PARD3: variants seen among roughly 807,000 people sequenced by gnomAD.
PARD3 encodes the protein par-3 family cell polarity regulator, also known as partitioning defective 3 homolog.
In PARD3, 75 loss-of-function variants were observed where a neutral mutation model predicts 155.4. The observed-to-expected ratio is 0.48, with a 90% CI of 0.40 to 0.58. PARD3 has a LOEUF of 0.58. Among genes scored for constraint, PARD3 ranks in the 20% least tolerant of loss-of-function variants. The pLI is 0.00. For missense variants in PARD3, 1,642 were observed against 1,721.7 expected (o/e 0.95, Z 0.82); for synonymous variants, 576 against 610.5 (o/e 0.94, Z 0.83).
intron 19 of PARD3, among the ~76,000 whole-genome samples, chr10:34,323,668 T>C (rs1382133030): frequency 6.6e-6 from 1 of 152,260 alleles, no homozygotes; most frequent in Non-Finnish European, 1.5e-5. Flanking sequence ...TCACTTTTAC[T>C]TGACATTCTA....
At chr10:34,331,539 G>A (rs1236992623) in intron 18 of PARD3, among the ~76,000 whole-genome samples, 195 bp from the exon 19 acceptor site, 1 of 151,856 alleles carries the variant, frequency 6.6e-6, no homozygotes, top group Non-Finnish European at 1.5e-5. Context: ...TATTAGATTT[G>A]GTCTATTTTC....
In PARD3 at chr10:34,470,192, T is replaced by A; in HGVS notation, c.475A>T (p.Asn159Tyr). ...CTTGAAGGCTCTTCAGAGGAAAAAT[T>A]ACTATCACTGACAGAAGTGGAGAGG... is the stretch of plus-strand genomic sequence containing the variant. ...IGLSTSVSDS[N>Y]FSSEEPSRKN... Residue 159 changes from asparagine to tyrosine, a missense_variant, in exon 4 of 25, where the codon AAT becomes TAT. Asn to Tyr is a moderately radical substitution (Grantham distance 143). Around this residue, in one of 3 missense-constraint regions of PARD3, gnomAD observed 1,529 missense variants for 1,587.3 expected, o/e 0.96. Transcript: ENST00000374788. 1 of 1,613,336 alleles carries A rather than the reference T, an allele frequency of 6.2e-7. No homozygotes were observed. The highest frequency in any genetic ancestry group is 8.5e-7 in the Non-Finnish European group (1 of 1,179,662).
At chr10:34,140,473 G>C (rs957420302) in intron 22 of PARD3, among the ~76,000 whole-genome samples, 1 of 152,194 alleles carries the variant, frequency 6.6e-6, no homozygotes, top group Non-Finnish European at 1.5e-5. Flanking sequence ...GCTAAATTAA[G>C]AGAGAAGGGA....
chr10:34,396,712 T>C (rs977278455), intron 7 of PARD3, among the ~76,000 whole-genome samples: 1 of 152,156 alleles, frequency 6.6e-6, no homozygotes, highest in Non-Finnish European at 1.5e-5. Flanking sequence ...AGGGAAGTTA[T>C]CTTGGAAATT....
chr10:34,418,155 T>C (rs1845849655), intron 5 of PARD3, among the ~76,000 whole-genome samples: 1 of 152,106 alleles, frequency 6.6e-6, no homozygotes, highest in South Asian at 2.1e-4. Flanking sequence ...CCATGGATGA[T>C]TATATTATAT....
intron 22 of PARD3, among the ~76,000 whole-genome samples, chr10:34,186,395 A>T (rs1307884460): frequency 6.7e-6 from 1 of 149,104 alleles, no homozygotes; most frequent in Non-Finnish European, 1.5e-5. Flanking sequence ...GCCTGCCTCC[A>T]GGATGCTCCC....
intron 4 of PARD3, among the ~76,000 whole-genome samples, chr10:34,462,337 C>G (rs2077703017): frequency 6.6e-6 from 1 of 152,138 alleles, no homozygotes; most frequent in Non-Finnish European, 1.5e-5. Flanking sequence ...TCACAAATAA[C>G]CAAACGATAA....
At chr10:34,637,080 T>C (rs78011376) in intron 2 of PARD3, among the ~76,000 whole-genome samples, 4,247 of 152,254 alleles carry the variant, frequency 0.028, 197 homozygotes, top group African/African-American at 0.096. Context: ...TTATACCCTA[T>C]TGCAAGGATT....
At chr10:34,304,410 G>C (rs1957300631) in intron 20 of PARD3, among the ~76,000 whole-genome samples, 1 of 151,986 alleles carries the variant, frequency 6.6e-6, no homozygotes, top group Non-Finnish European at 1.5e-5. Context: ...AATCAAGTAG[G>C]AATAAAACGT....
At chr10:34,574,022 A>G (rs1311807333) in intron 2 of PARD3, among the ~76,000 whole-genome samples, 1 of 152,188 alleles carries the variant, frequency 6.6e-6, no homozygotes, top group East Asian at 1.9e-4. Context: ...AGAGCAAATT[A>G]GCCTATAATA....
At chr10:34,777,697 A>ATTT (rs879287108) in intron 1 of PARD3, among the ~76,000 whole-genome samples, 4,694 of 144,382 alleles carry the variant, frequency 0.033, 262 homozygotes, top group African/African-American at 0.11. Flanking sequence ...CAGTCAGCTA[A>ATTT]TTTTTTTTTT....
chr10:34,622,713 G>A (rs2091750521), intron 2 of PARD3, among the ~76,000 whole-genome samples: 1 of 151,858 alleles, frequency 6.6e-6, no homozygotes, highest in African/African-American at 2.4e-5. Context: ...AGAAGCTTTT[G>A]GGAAAACAAG....
chr10:34,666,141 G>A (rs2093464842), intron 2 of PARD3, among the ~76,000 whole-genome samples: 1 of 151,638 alleles, frequency 6.6e-6, no homozygotes, highest in Non-Finnish European at 1.5e-5. Context: ...GCGGGAGGAT[G>A]GCTGAGCCCA....
rs571242581 is a variant in PARD3 at position 34,367,886 on chromosome 10, A to G, written c.1707+4612T>C. On this transcript the variant is annotated intron_variant, in intron 12 of 24. Coordinates refer to ENST00000374788, the MANE Select transcript of PARD3 (RefSeq NM_001184785.2). ...TGACCTTCAAAAAAGTTCCTAAAGAATCCCCAATGTATCCCTGTGGTTTCT... is the reference window on the plus strand; with the variant it reads ...TGACCTTCAAAAAAGTTCCTAAAGAGTCCCCAATGTATCCCTGTGGTTTCT... Among the ~76,000 whole-genome samples, 4 of 152,310 alleles carry G rather than the reference A, an allele frequency of 2.6e-5. No individual in the cohort carries two copies. In the East Asian group the frequency reaches 7.7e-4, roughly 29 times the overall value.
At chr10:34,292,004 A>G (rs969006943) in intron 20 of PARD3, among the ~76,000 whole-genome samples, 6 of 152,210 alleles carry the variant, frequency 3.9e-5, no homozygotes, top group African/African-American at 1.4e-4. Context: ...AACTGCTCCT[A>G]ATCATTGCAA....
chr10:34,134,311 G>A (rs2132804164), intron 22 of PARD3, among the ~76,000 whole-genome samples: 1 of 152,220 alleles, frequency 6.6e-6, no homozygotes, highest in East Asian at 1.9e-4. Context: ...ATACTTTATA[G>A]CTTTTATGGG....
intron 4 of PARD3, among the ~76,000 whole-genome samples, chr10:34,460,868 C>T (rs570564851): frequency 6.6e-6 from 1 of 151,938 alleles, no homozygotes; most frequent in Non-Finnish European, 1.5e-5. Context: ...AAAATGGGTA[C>T]AGCAACAGTA....
At chr10:34,756,010 A>T (rs1836667696) in intron 1 of PARD3, among the ~76,000 whole-genome samples, 1 of 152,094 alleles carries the variant, frequency 6.6e-6, no homozygotes, top group Non-Finnish European at 1.5e-5. Context: ...CTCACACAGG[A>T]GCACCAAACT....
chr10:34,343,458 T>G, intron 15 of PARD3: 1 of 981,390 alleles, frequency 1.0e-6, no homozygotes, highest in Non-Finnish European at 1.2e-6. Flanking sequence ...ATTGTATACA[T>G]AGATAAATGG....
Sources: gnomAD v4.1 joint callset for allele counts (sites outside exome capture counted in the v4.1 genomes callset) on GRCh38, gnomAD v4.1.1 for gene constraint, gnomAD v4.1.1 regional missense constraint, MANE v1.5 for transcripts, NCBI Gene and HGNC (gene_info 2026-07-23, HGNC 2026-07-21) for gene names.